TXNL4A: variants seen among roughly 807,000 people sequenced by gnomAD.
TXNL4A encodes thioredoxin-like protein 4A.
In TXNL4A, 17 loss-of-function variants were observed where a neutral mutation model predicts 14.6. The ratio of observed to expected loss-of-function variants is 1.16; its 90% CI spans 0.80 to 1.74. The LOEUF (loss-of-function observed/expected upper bound fraction) is 1.74, where lower values mean the gene tolerates loss of function less well. TXNL4A is among the 40% of genes most tolerant of loss of function. The pLI, the probability that TXNL4A is intolerant of heterozygous loss-of-function variation, is 0.00. For missense variants in TXNL4A, 74 were observed against 195.2 expected (o/e 0.38, Z 3.70); for synonymous variants, 83 against 70.6 (o/e 1.18, Z -0.88).
chr18:80,015,356 ATT>A (rs2051800712), intron 1 of TXNL4A, among the ~76,000 whole-genome samples: 1 of 44,460 alleles, frequency 2.2e-5, no homozygotes, highest in Non-Finnish European at 4.8e-5. Flanking sequence ...TTTTTAAAAA[ATT>A]ATTATTATTA....
intron 1 of TXNL4A, among the ~76,000 whole-genome samples, chr18:79,985,206 C>CAAAG (rs1387610368): frequency 1.4e-4 from 22 of 152,106 alleles, no homozygotes; most frequent in African/African-American, 4.8e-4. Flanking sequence ...AAAGACAGCT[C>CAAAG]GTACATGAAA....
intron 1 of TXNL4A, among the ~76,000 whole-genome samples, chr18:79,994,506 ACT>A (rs1453751933): frequency 3.3e-5 from 5 of 151,672 alleles, no homozygotes; most frequent in African/African-American, 7.3e-5. Context: ...CCAATCGAGA[ACT>A]CTCTAATCGT....
At chr18:80,013,122 A>ATTTT (rs35502760) in intron 1 of TXNL4A, among the ~76,000 whole-genome samples, 1 of 96,130 alleles carries the variant, frequency 1.0e-5, no homozygotes, top group Non-Finnish European at 2.1e-5. Flanking sequence ...AAAAAAAAAA[A>ATTTT]TTTTTTTTTT....
At chr18:80,024,887 C>T (rs1268478500) in intron 1 of TXNL4A, among the ~76,000 whole-genome samples, 1 of 152,090 alleles carries the variant, frequency 6.6e-6, no homozygotes, top group African/African-American at 2.4e-5. Context: ...ACATATGTCC[C>T]GACTTCATCA....
chr18:80,023,985 T>C (rs1430079165), intron 1 of TXNL4A, among the ~76,000 whole-genome samples: 1 of 152,196 alleles, frequency 6.6e-6, no homozygotes, highest in Admixed American at 6.5e-5. Context: ...CTTTCTTCGA[T>C]TGACATCCGG....
At chr18:80,008,272 G>A (rs1019879313) in intron 1 of TXNL4A, among the ~76,000 whole-genome samples, 1 of 152,206 alleles carries the variant, frequency 6.6e-6, no homozygotes, top group African/African-American at 2.4e-5. Context: ...TTCATGGGAA[G>A]TTATGGTCTG....
At chr18:79,981,188 A>C (rs2051457962) in intron 1 of TXNL4A, among the ~76,000 whole-genome samples, 1 of 152,246 alleles carries the variant, frequency 6.6e-6, no homozygotes, top group Non-Finnish European at 1.5e-5. Context: ...TACCAGTAAC[A>C]TCATATTAAC....
chr18:79,996,678 C>G (rs1475235727), intron 1 of TXNL4A, among the ~76,000 whole-genome samples: 1 of 152,238 alleles, frequency 6.6e-6, no homozygotes, highest in Admixed American at 6.5e-5. Context: ...TGCAGTCACT[C>G]ATGCCTGTAA....
intron 2 of TXNL4A, among the ~76,000 whole-genome samples, chr18:79,975,260 T>C (rs1235113752): frequency 6.6e-6 from 1 of 152,230 alleles, no homozygotes; most frequent in Non-Finnish European, 1.5e-5. Context: ...AATCCTGTCT[T>C]ATCTGACATT....
chr18:79,989,746 G>A (rs947415854), upstream of TXNL4A, among the ~76,000 whole-genome samples: 1 of 152,062 alleles, frequency 6.6e-6, no homozygotes, highest in Non-Finnish European at 1.5e-5. Context: ...TGTAATCCCA[G>A]CACTTTGGGA....
chr18:79,989,782 G>A (rs899317731), upstream of TXNL4A, among the ~76,000 whole-genome samples: 28 of 152,070 alleles, frequency 1.8e-4, no homozygotes, highest in African/African-American at 6.8e-4. Flanking sequence ...ATCGCCTATG[G>A]TCGGGAGTTC....
chr18:80,020,216 T>C (rs372795456), intron 1 of TXNL4A, among the ~76,000 whole-genome samples: 1 of 152,190 alleles, frequency 6.6e-6, no homozygotes, highest in East Asian at 1.9e-4. Flanking sequence ...TTTGGCTGCA[T>C]AGATTTGCAC....
chr18:79,980,029 G>A (rs775804229), intron 1 of TXNL4A, among the ~76,000 whole-genome samples: 12 of 152,208 alleles, frequency 7.9e-5, no homozygotes, highest in Non-Finnish European at 1.8e-4. Flanking sequence ...GGTAAGATGA[G>A]GTCATACTGG....
intron 1 of TXNL4A, among the ~76,000 whole-genome samples, chr18:80,014,351 TC>T (rs1462366318): frequency 1.3e-5 from 2 of 152,122 alleles, no homozygotes; most frequent in African/African-American, 4.8e-5. Flanking sequence ...GCTAGTTACT[TC>T]CTATATACAA....
intron 1 of TXNL4A, among the ~76,000 whole-genome samples, chr18:80,015,437 T>C (rs549312727): frequency 3.2e-4 from 48 of 151,656 alleles, no homozygotes; most frequent in African/African-American, 1.1e-3. Context: ...TGTATACATG[T>C]GCCATGCTGG....
At chr18:79,988,852 C>T (rs992757936), upstream of TXNL4A, among the ~76,000 whole-genome samples, 25 of 152,176 alleles carry the variant, frequency 1.6e-4, no homozygotes, top group Admixed American at 5.2e-4. Context: ...GGCTGTCCTC[C>T]AGCCACGGAT....
At chr18:80,006,579 T>C (rs1444246546) in intron 1 of TXNL4A, among the ~76,000 whole-genome samples, 5 of 152,140 alleles carry the variant, frequency 3.3e-5, no homozygotes, top group African/African-American at 7.2e-5. Context: ...CTTATAAAAG[T>C]TGAAAGAGGC....
chr18:79,977,727 T>A (rs749895518), intron 1 of TXNL4A, 26 bp from the exon 2 acceptor site: 5 of 1,254,114 alleles, frequency 4.0e-6, no homozygotes, highest in Non-Finnish European at 5.7e-6. Context: ...AAAAAAAAAC[T>A]GAAATAACAG....
chr18:79,973,882 T>C (rs754749726), intron 2 of TXNL4A, 26 bp from the exon 3 acceptor site: 16 of 1,610,634 alleles, frequency 9.9e-6, no homozygotes, highest in Non-Finnish European at 1.3e-5. Context: ...AGGGCATCCA[T>C]TCTCATAGAA....
Sources: gnomAD v4.1 joint callset for allele counts (sites outside exome capture counted in the v4.1 genomes callset) on GRCh38, gnomAD v4.1.1 for gene constraint, MANE v1.5 for transcripts, NCBI Gene and HGNC (gene_info 2026-07-23, HGNC 2026-07-21) for gene names.